Variants in NOTCH2 observed in about 807,000 individuals in gnomAD.
NOTCH2 encodes the protein neurogenic locus notch homolog protein 2.
In NOTCH2, 29 loss-of-function variants were observed where a neutral mutation model predicts 235.8. That is an observed-to-expected ratio of 0.12 (90% CI 0.09 to 0.17). The LOEUF (loss-of-function observed/expected upper bound fraction) is 0.17. Ranked by LOEUF, NOTCH2 falls within the 10% of genes least tolerant of loss-of-function variation. The pLI, the probability that NOTCH2 is intolerant of heterozygous loss-of-function variation, is 1.00. For missense variants in NOTCH2, 2,285 were observed against 3,150.2 expected, an observed-to-expected ratio of 0.73 and a Z score of 6.57; for synonymous variants, 1,086 against 1,141.5, an observed-to-expected ratio of 0.95 and a Z score of 0.98.
chr1:119,917,475 G>A (rs1424429709), intron 33 of NOTCH2, among the ~76,000 whole-genome samples, 190 bp downstream of exon 33: 1 of 152,258 alleles, frequency 6.6e-6, no homozygotes, highest in African/African-American at 2.4e-5. Flanking sequence ...AGAGGGCAGA[G>A]AACTCCATCC....
rs1553200156 is a variant in NOTCH2 at position 119,969,759 on chromosome 1, T to G, written c.875-15A>C. 1.2e-6 allele frequency: 2 copies of G among 1,608,948 alleles called. No individual in the cohort carries two copies. Among genetic ancestry groups the G allele is most frequent in the Admixed American group, 3.3e-5 (2 of 60,004 alleles). ...GCAGAACTGTCCTTTTAGGGGGAAA[T>G]TACTTTTGATTAGGGCTCTTGAGTC... is the stretch of plus-strand genomic sequence containing the variant. On this transcript the variant is annotated splice_polypyrimidine_tract_variant and intron_variant, in intron 5 of 33. Coordinates refer to ENST00000256646, the MANE Select transcript of NOTCH2 (RefSeq NM_024408.4).
intron 22 of NOTCH2, among the ~76,000 whole-genome samples, chr1:119,932,209 C>A (rs1649688549): frequency 6.6e-6 from 1 of 152,068 alleles, no homozygotes; most frequent in Non-Finnish European, 1.5e-5. Flanking sequence ...TATATGCCTG[C>A]AAGATAACTG....
At chr1:119,995,323 C>T (rs1490788879) in intron 4 of NOTCH2, 6 of 148,630 alleles carry the variant, frequency 4.0e-5, no homozygotes, top group African/African-American at 1.5e-4. Context: ...ACTTCTCTAA[C>T]TTCCCGTCAA....
intron 21 of NOTCH2, among the ~76,000 whole-genome samples, chr1:119,936,684 G>C (rs587615734): frequency 6.6e-6 from 1 of 152,222 alleles, no homozygotes; most frequent in African/African-American, 2.4e-5. Context: ...GTTGCTTGAT[G>C]GTTTGAATTG....
chr1:119,916,875 T>C (rs1014645416), intron 33 of NOTCH2, among the ~76,000 whole-genome samples, 181 bp from the exon 34 acceptor site: 1 of 152,236 alleles, frequency 6.6e-6, no homozygotes, highest in Non-Finnish European at 1.5e-5. Context: ...ATCTGTGATT[T>C]ACACATAAAA....
Position 119,922,665 on chromosome 1 carries a change from G to A in NOTCH2, c.4973C>T (p.Thr1658Ile), listed in dbSNP as rs142462128. Residue 1658 changes from threonine to isoleucine, a missense_variant, in exon 27 of 34, where the codon ACC becomes ATC. Physicochemically the swap from Thr to Ile is moderately conservative, Grantham distance 89 (BLOSUM62 -1). Coordinates refer to ENST00000256646, the MANE Select transcript of NOTCH2 (RefSeq NM_024408.4). The part of the protein sequence containing the change: ...ALLASHAIQG[T>I]LSYPLVSVVS... ...GACAGACACAAGAGGGTATGACAGG[G>A]TCCCCTGTATGGCGTGAGAGGCCAG... is the stretch of plus-strand genomic sequence containing the variant. 5.6e-5 allele frequency: 91 copies of A among 1,613,998 alleles called. No individual in the cohort carries two copies. In the African/African-American group the frequency reaches 1.1e-3, roughly 20 times the overall value.
At chr1:119,980,152 C>T (rs1195022220) in intron 5 of NOTCH2, among the ~76,000 whole-genome samples, 2 of 152,132 alleles carry the variant, frequency 1.3e-5, no homozygotes, top group East Asian at 3.9e-4. Flanking sequence ...GCATCCATTC[C>T]ATATCACAAG....
chr1:119,941,727 A>C lies in NOTCH2; in HGVS notation c.2780T>G (p.Met927Arg), dbSNP rs782079844. The C allele has an allele frequency of 3.1e-6, 5 of 1,613,992 alleles. No individual in the cohort carries two copies. Among genetic ancestry groups the C allele is most frequent in the Admixed American group, 1.7e-5 (1 of 60,004 alleles). ...ANPCQNGGSCMDGVNTFSCLC... is the reference protein window; with the variant it reads ...ANPCQNGGSCRDGVNTFSCLC... ...GCAGGAGAAAGTATTCACTCCATCC[A>C]TACAGGAACCTCCATTCTGGCAAGG... The change falls in exon 18 of 34, where the codon ATG (methionine) becomes AGG (arginine). Residue 927 changes from methionine (M) to arginine (R), a missense_variant. This residue lies in a region of NOTCH2 where 1,173 missense variants were observed against 1,515.3 expected (regional missense o/e 0.77). Transcript: ENST00000256646.
intron 1 of NOTCH2, among the ~76,000 whole-genome samples, chr1:120,045,779 A>G (rs1399173071): frequency 6.6e-6 from 1 of 152,248 alleles, no homozygotes; most frequent in African/African-American, 2.4e-5. Flanking sequence ...CGTGGGGAGT[A>G]AAAGATAAGC....
At chr1:119,966,258 C>T (rs1206774525) in intron 9 of NOTCH2, 118 bp downstream of exon 9, 1 of 778,048 alleles carries the variant, frequency 1.3e-6, no homozygotes, top group Non-Finnish European at 2.4e-6. Flanking sequence ...TATCACCAAG[C>T]ACTTACTCTA....
At chr1:120,033,410 C>CAAAAAAAAAAAAAAAAAAAAAA (rs1221514390) in intron 1 of NOTCH2, among the ~76,000 whole-genome samples, 1 of 11,232 alleles carries the variant, frequency 8.9e-5, no homozygotes, top group Admixed American at 1.9e-3. Context: ...GACTCCATCT[C>CAAAAAAAAAAAAAAAAAAAAAA]AAAAAAAAAA....
chr1:119,918,000 A>G (rs1228184272), intron 32 of NOTCH2, among the ~76,000 whole-genome samples: 1 of 152,178 alleles, frequency 6.6e-6, no homozygotes, highest in Non-Finnish European at 1.5e-5. Context: ...TGAGGCATTC[A>G]TGTCCCCTAC....
chr1:119,994,811 G>T (rs1427594917), intron 4 of NOTCH2: 1 of 113,572 alleles, frequency 8.8e-6, no homozygotes, highest in Non-Finnish European at 1.8e-5. Flanking sequence ...CATATTAGCT[G>T]TACAACTTTG....
At chr1:119,954,183 A>G (rs1196308499) in intron 13 of NOTCH2, among the ~76,000 whole-genome samples, 2 of 152,176 alleles carry the variant, frequency 1.3e-5, no homozygotes, top group Non-Finnish European at 2.9e-5. Context: ...CACCTAGGGT[A>G]TTCTGCAGGA....
At chr1:119,963,210 GGACT>G (rs2101135953) in intron 11 of NOTCH2, among the ~76,000 whole-genome samples, 1 of 150,548 alleles carries the variant, frequency 6.6e-6, no homozygotes, top group South Asian at 2.1e-4. Context: ...AAGGAAGGAA[GGACT>G]GAATTTATTA....
At chr1:119,944,754 A>G (rs1372081081) in intron 17 of NOTCH2, among the ~76,000 whole-genome samples, 17 of 152,154 alleles carry the variant, frequency 1.1e-4, no homozygotes, top group African/African-American at 3.9e-4. Flanking sequence ...GAGAAAGTCA[A>G]TTTAGAATTC....
intron 18 of NOTCH2, 66 bp from the exon 19 acceptor site, chr1:119,940,822 G>T (rs1278880531): frequency 3.6e-6 from 5 of 1,396,474 alleles, no homozygotes; most frequent in Non-Finnish European, 5.1e-6. Context: ...TACAAAGTAA[G>T]ATTTCTGGAA....
At chr1:119,937,578 T>C in intron 20 of NOTCH2, 112 bp from the exon 21 acceptor site, 1 of 1,061,032 alleles carries the variant, frequency 9.4e-7, no homozygotes, top group African/African-American at 1.6e-5. Flanking sequence ...ATCTTATTCT[T>C]AGCCAGTTCT....
chr1:119,913,264 A>C lies in NOTCH2; in HGVS notation c.*2042T>G, dbSNP rs1648951219. The C allele has an allele frequency of 4.3e-6, 1 of 233,194 alleles. No individual in the cohort carries two copies. Among genetic ancestry groups the C allele is most frequent in the African/African-American group, 2.2e-5 (1 of 45,366 alleles). The allele number at this position is 233,194 out of a possible 1,614,324, so 14.4% of individuals were successfully genotyped here. A position where few individuals can be genotyped will look rare whatever the true frequency, so the allele number is the denominator to read the frequency against. ...TGCTTATCTCAGGGCAGAAGTAATTATTTTTGTTGGTTCAATAAATTTGGA... is the reference window on the plus strand; with the variant it reads ...TGCTTATCTCAGGGCAGAAGTAATTCTTTTTGTTGGTTCAATAAATTTGGA... On this transcript the variant is annotated 3_prime_UTR_variant, in exon 34 of 34. Transcript: ENST00000256646.
Sources: allele counts gnomAD v4.1 joint callset (sites outside exome capture counted in the v4.1 genomes callset), GRCh38; gene constraint gnomAD v4.1.1; regional missense constraint gnomAD v4.1.1; transcripts MANE v1.5; gene names NCBI Gene and HGNC (gene_info 2026-07-23, HGNC 2026-07-21).